The following ZNF536 variants were observed in gnomAD, a reference collection of about 807,000 sequenced individuals.
ZNF536 encodes the protein zinc finger protein 536.
A neutral mutation model predicts 84.5 loss-of-function variants in ZNF536; 13 were observed. That is an observed-to-expected ratio of 0.15 (90% CI 0.10 to 0.24). ZNF536 has a LOEUF of 0.24. ZNF536 is among the 10% of genes least tolerant of loss of function. ZNF536 has a pLI of 1.00. For missense variants in ZNF536, 1,536 were observed against 1,747.5 expected, an observed-to-expected ratio of 0.88 and a Z score of 2.16; for synonymous variants, 811 against 742.5, an observed-to-expected ratio of 1.09 and a Z score of -1.50.
chr19:30,503,516 G>T (rs191356666), intron 2 of ZNF536, among the ~76,000 whole-genome samples: 1 of 152,236 alleles, frequency 6.6e-6, no homozygotes, highest in Non-Finnish European at 1.5e-5. Flanking sequence ...AGCAGGTAGA[G>T]TATGATTTCA....
Position 30,548,294 on chromosome 19 carries a change from C to G in ZNF536, c.2675C>G (p.Ser892Cys), listed in dbSNP as rs2146194390. 2 of 1,614,252 alleles carry G rather than the reference C, an allele frequency of 1.2e-6. No individual in the cohort carries two copies. Among genetic ancestry groups the G allele is most frequent in the Non-Finnish European group, 1.7e-6 (2 of 1,180,048 alleles). The change falls in exon 4 of 5, where the codon TCC (serine) becomes TGC (cysteine). Residue 892 changes from serine to cysteine, a missense_variant. Ser to Cys is a moderately radical substitution (Grantham distance 112, BLOSUM62 -1). Transcript: ENST00000355537. The part of the protein sequence containing the change: ...SDALKGTDLP[S>C]KSTHFSEIGR... ...GCTCTGAAAGGCACTGACCTTCCTT[C>G]CAAAAGCACCCACTTCTCTGAGATC...
chr19:30,672,512 C>A (rs2050596303), intron 1 of ZNF536, among the ~76,000 whole-genome samples: 1 of 152,186 alleles, frequency 6.6e-6, no homozygotes, highest in Non-Finnish European at 1.5e-5. Context: ...ATACAGCAAA[C>A]AAGGTCAAAT....
chr19:30,508,120 A>G (rs1210462118), intron 2 of ZNF536, among the ~76,000 whole-genome samples: 1 of 152,206 alleles, frequency 6.6e-6, no homozygotes, highest in Non-Finnish European at 1.5e-5. Flanking sequence ...GGAATTGCTC[A>G]GCAAAGGGGA....
chr19:30,246,440 T>C (rs998047855), intron 1 of ZNF536, among the ~76,000 whole-genome samples: 1 of 152,252 alleles, frequency 6.6e-6, no homozygotes, highest in African/African-American at 2.4e-5. Flanking sequence ...ATCCATATTA[T>C]TTCTTTACTA....
intron 2 of ZNF536, among the ~76,000 whole-genome samples, chr19:30,480,049 T>G (rs2054009860): frequency 6.6e-6 from 1 of 152,222 alleles, no homozygotes; most frequent in Non-Finnish European, 1.5e-5. Context: ...GAAGTCAGTC[T>G]CAGGATCGAT....
At chr19:30,527,096 C>A (rs559826960) in intron 2 of ZNF536, among the ~76,000 whole-genome samples, 4 of 151,666 alleles carry the variant, frequency 2.6e-5, no homozygotes, top group African/African-American at 9.7e-5. Context: ...TTTTTGTATT[C>A]TTAGTAGAGA....
intron 1 of ZNF536, among the ~76,000 whole-genome samples, chr19:30,627,515 C>A (rs1349232157): frequency 7.5e-6 from 1 of 134,116 alleles, no homozygotes; most frequent in Non-Finnish European, 1.5e-5. Flanking sequence ...GCTTTCTATG[C>A]TGGAGCTGGA....
chr19:30,317,704 G>T (rs1051441966), intron 2 of ZNF536, among the ~76,000 whole-genome samples: 2 of 152,222 alleles, frequency 1.3e-5, no homozygotes, highest in African/African-American at 4.8e-5. Context: ...TCTGACCATT[G>T]TCTTTGGAGG....
intron 2 of ZNF536, among the ~76,000 whole-genome samples, chr19:30,351,154 AT>A (rs1226924144): frequency 5.9e-5 from 9 of 152,142 alleles, no homozygotes; most frequent in South Asian, 2.1e-4. Flanking sequence ...AAACTGGGGC[AT>A]TTTTTTTATA....
chr19:30,644,515 C>T (rs902950267), intron 1 of ZNF536, among the ~76,000 whole-genome samples: 2 of 152,250 alleles, frequency 1.3e-5, no homozygotes, highest in African/African-American at 2.4e-5. Flanking sequence ...ATCCCTCCCC[C>T]ATCCTCCCAC....
chr19:30,611,250 G>GT (rs1419402729), intron 1 of ZNF536, among the ~76,000 whole-genome samples: 2 of 152,050 alleles, frequency 1.3e-5, no homozygotes, highest in Non-Finnish European at 2.9e-5. Context: ...TCCCATCCCT[G>GT]TACACCCATG....
At chr19:30,624,567 G>A (rs2147173189) in intron 1 of ZNF536, among the ~76,000 whole-genome samples, 1 of 152,274 alleles carries the variant, frequency 6.6e-6, no homozygotes, top group South Asian at 2.1e-4. Flanking sequence ...TAAAAAGCCT[G>A]ATCTCTATTG....
chr19:30,391,308 G>T (rs1835989), intron 1 of ZNF536, among the ~76,000 whole-genome samples: 148,883 of 152,352 alleles, frequency 0.98, 72,878 homozygotes, highest in Non-Finnish European at 0.99. Flanking sequence ...TGGCTGCAGT[G>T]GTGCACACCT....
chr19:30,619,456 A>C (rs531006833), intron 1 of ZNF536, among the ~76,000 whole-genome samples: 59 of 152,316 alleles, frequency 3.9e-4, no homozygotes, highest in Admixed American at 9.8e-4. Flanking sequence ...TCCTCAAAGC[A>C]GCTCAATATA....
At chr19:30,274,351 A>G (rs2145520868) in intron 1 of ZNF536, among the ~76,000 whole-genome samples, 1 of 152,360 alleles carries the variant, frequency 6.6e-6, no homozygotes, top group East Asian at 1.9e-4. Flanking sequence ...TCATGCATGC[A>G]TTTTTGAATT....
At chr19:30,490,572 A>C (rs2034004460) in intron 2 of ZNF536, among the ~76,000 whole-genome samples, 1 of 152,070 alleles carries the variant, frequency 6.6e-6, no homozygotes, top group Non-Finnish European at 1.5e-5. Flanking sequence ...CACCACTTAG[A>C]TAAAGAAACT....
intron 2 of ZNF536, among the ~76,000 whole-genome samples, chr19:30,530,171 G>A (rs2044744532): frequency 1.3e-5 from 2 of 152,208 alleles, no homozygotes; most frequent in Admixed American, 1.3e-4. Flanking sequence ...TCTGCCTTCA[G>A]TCTACCCAGC....
chr19:30,316,833 G>A (rs956754062), intron 2 of ZNF536, among the ~76,000 whole-genome samples: 3 of 152,200 alleles, frequency 2.0e-5, no homozygotes, highest in Non-Finnish European at 4.4e-5. Flanking sequence ...TGTGCAGGCC[G>A]TGGAATCCCG....
intron 2 of ZNF536, among the ~76,000 whole-genome samples, chr19:30,505,249 TA>T (rs1031350028): frequency 4.1e-5 from 6 of 147,786 alleles, no homozygotes; most frequent in Admixed American, 2.0e-4. Flanking sequence ...ATATATTTAT[TA>T]ATATATAATA....
Sources: gnomAD v4.1 joint callset for allele counts (sites outside exome capture counted in the v4.1 genomes callset) on GRCh38, gnomAD v4.1.1 for gene constraint, MANE v1.5 for transcripts, NCBI Gene and HGNC (gene_info 2026-07-23, HGNC 2026-07-21) for gene names.